The following MARCHF11 variants were observed in gnomAD, a reference collection of about 807,000 sequenced individuals.
MARCHF11 encodes the protein membrane associated ring-CH-type finger 11.
Under a neutral mutation model 37.3 loss-of-function variants are expected in MARCHF11, and 29 were observed. The ratio of observed to expected loss-of-function variants is 0.78; its 90% CI spans 0.58 to 1.06. The LOEUF is 1.06. Among genes scored for constraint, MARCHF11 ranks in the 50% least tolerant of loss-of-function variants. The pLI, the probability that MARCHF11 is intolerant of heterozygous loss-of-function variation, is 0.00. For missense variants in MARCHF11, 482 were observed against 533.4 expected (o/e 0.90, Z 0.95); for synonymous variants, 233 against 228.0 (o/e 1.02, Z -0.20).
At chr5:16,113,926 A>G (rs1737188062) in intron 2 of MARCHF11, among the ~76,000 whole-genome samples, 1 of 152,082 alleles carries the variant, frequency 6.6e-6, no homozygotes, top group South Asian at 2.1e-4. Context: ...TTGGGAGGAA[A>G]CTCACCTCTT....
chr5:16,156,377 C>T (rs1435427501), intron 2 of MARCHF11, among the ~76,000 whole-genome samples: 1 of 151,890 alleles, frequency 6.6e-6, no homozygotes, highest in Non-Finnish European at 1.5e-5. Context: ...ATAGTTAGCA[C>T]CTTATTTTAA....
intron 3 of MARCHF11, among the ~76,000 whole-genome samples, chr5:16,090,342 T>C: frequency 6.6e-6 from 1 of 152,202 alleles, no homozygotes; most frequent in East Asian, 1.9e-4. Flanking sequence ...TTTTCTCTTC[T>C]AAGTCACTGA....
chr5:16,110,208 C>T (rs1400528809), intron 2 of MARCHF11, among the ~76,000 whole-genome samples: 1 of 152,110 alleles, frequency 6.6e-6, no homozygotes, highest in Non-Finnish European at 1.5e-5. Flanking sequence ...AAATTATATT[C>T]AGATTTTTTA....
At chr5:16,175,421 A>G (rs921063757) in intron 2 of MARCHF11, among the ~76,000 whole-genome samples, 1 of 152,158 alleles carries the variant, frequency 6.6e-6, no homozygotes, top group East Asian at 1.9e-4. Flanking sequence ...CTAGGATGGG[A>G]TTGAGAAGCA....
intron 2 of MARCHF11, among the ~76,000 whole-genome samples, chr5:16,165,695 T>A (rs1243313709): frequency 6.6e-6 from 1 of 152,084 alleles, no homozygotes; most frequent in Non-Finnish European, 1.5e-5. Context: ...TCACATCATA[T>A]CAGGGGCAGA....
intron 2 of MARCHF11, among the ~76,000 whole-genome samples, chr5:16,109,828 G>A (rs76066229): frequency 3.8e-4 from 58 of 152,244 alleles, no homozygotes; most frequent in East Asian, 9.7e-4. Context: ...TTGTGCACAC[G>A]GAATTGAAGA....
chr5:16,098,650 C>T (rs929845008), intron 2 of MARCHF11, among the ~76,000 whole-genome samples: 1 of 151,884 alleles, frequency 6.6e-6, no homozygotes, highest in Non-Finnish European at 1.5e-5. Context: ...CTCCTGCAAT[C>T]CCAGCTACTC....
intron 2 of MARCHF11, among the ~76,000 whole-genome samples, chr5:16,105,464 TTTCCTCAC>T (rs1737022457): frequency 6.6e-6 from 1 of 152,216 alleles, no homozygotes; most frequent in Non-Finnish European, 1.5e-5. Flanking sequence ...AGAACAAGCT[TTTCCTCAC>T]TAAAGAGATC....
At chr5:16,073,378 A>G (rs79618537) in intron 3 of MARCHF11, among the ~76,000 whole-genome samples, 3,881 of 152,198 alleles carry the variant, frequency 0.025, 167 homozygotes, top group African/African-American at 0.088. Context: ...CCAAACTTAA[A>G]TGTCCAGGAG....
chr5:16,161,224 G>T (rs1158277780), intron 2 of MARCHF11, among the ~76,000 whole-genome samples: 2 of 124,928 alleles, frequency 1.6e-5, no homozygotes, highest in Non-Finnish European at 3.1e-5. Flanking sequence ...TTTAACAGAT[G>T]ATCTAAATTA....
chr5:16,166,293 C>A (rs1738167492), intron 2 of MARCHF11, among the ~76,000 whole-genome samples: 1 of 152,016 alleles, frequency 6.6e-6, no homozygotes, highest in East Asian at 1.9e-4. Context: ...GGTCTGGTGC[C>A]AGGTGAGCTT....
At chr5:16,118,670 C>T (rs941298771) in intron 2 of MARCHF11, among the ~76,000 whole-genome samples, 6 of 152,154 alleles carry the variant, frequency 3.9e-5, no homozygotes, top group East Asian at 1.9e-4. Flanking sequence ...TACACTAAGC[C>T]GTCAGCGAGA....
At chr5:16,154,780 A>G (rs549933811) in intron 2 of MARCHF11, among the ~76,000 whole-genome samples, 3 of 152,104 alleles carry the variant, frequency 2.0e-5, no homozygotes, top group South Asian at 4.1e-4. Context: ...ACACAAGTTT[A>G]AAATAACAAC....
rs1736365581 is a variant in MARCHF11, at chr5:16,067,405, G to T, written c.*66C>A. Reference sequence around the variant, plus strand: ...GTGTTTTTAGAAGTGCTATGGTTTTGCCATTCACTGCAATTACATTGCAAA... The same window carrying T: ...GTGTTTTTAGAAGTGCTATGGTTTTTCCATTCACTGCAATTACATTGCAAA... On this transcript the variant is annotated 3_prime_UTR_variant, in exon 4 of 4. Coordinates refer to ENST00000332432, the MANE Select transcript of MARCHF11 (RefSeq NM_001102562.3). 2.1e-6 allele frequency: 3 copies of T among 1,423,908 alleles called. No homozygotes were observed. The highest frequency in any genetic ancestry group is 9.7e-7 in the Non-Finnish European group (1 of 1,033,472). The allele number at this position is 1,423,908 out of a possible 1,614,324, so 88.2% of individuals were successfully genotyped here. A position where few individuals can be genotyped will look rare whatever the true frequency, so the allele number is the denominator to read the frequency against.
intron 2 of MARCHF11, among the ~76,000 whole-genome samples, chr5:16,173,219 T>C (rs1738300967): frequency 6.6e-6 from 1 of 152,160 alleles, no homozygotes; most frequent in Admixed American, 6.5e-5. Context: ...GGAAAGTTGG[T>C]GAACATCATG....
At chr5:16,142,884 CTTTTTTTTTT>C (rs61225598) in intron 2 of MARCHF11, among the ~76,000 whole-genome samples, 15 of 52,216 alleles carry the variant, frequency 2.9e-4, no homozygotes, top group African/African-American at 1.3e-3. Flanking sequence ...CCACACCTGG[CTTTTTTTTTT>C]TTTTTTTTTT....
chr5:16,141,132 G>A (rs932388076), intron 2 of MARCHF11: 1 of 152,408 alleles, frequency 6.6e-6, no homozygotes, highest in African/African-American at 2.4e-5. Flanking sequence ...ACCAACAGAG[G>A]AGCAAACCTC....
rs74684199 is a variant in MARCHF11, at chr5:16,104,515, G to T, written c.694-13434C>A. Among the ~76,000 whole-genome samples the T allele has an allele frequency of 9.7e-3, 1,470 of 152,230 alleles. 17 individuals are homozygous for T. The highest frequency in any genetic ancestry group is 0.043 in the South Asian group (207 of 4,824). ...CTATTTTTAAGGCCCTGGAAGAAAA[G>T]TCCTTAAAATAGCAAAATGAATAAA... On this transcript the variant is annotated intron_variant, in intron 2 of 3. Transcript: ENST00000332432.
At position 16,151,239 on chromosome 5, in the gene MARCHF11, G is replaced by A. The variant is rs79830066; in HGVS notation, c.693+26487C>T. On this transcript the variant is annotated intron_variant, in intron 2 of 3. Transcript: ENST00000332432. ...TCATAGTAACCCATTGTATTTGGCTGCCATAATTTACATAGTCATTCACCA... is the reference window on the plus strand; with the variant it reads ...TCATAGTAACCCATTGTATTTGGCTACCATAATTTACATAGTCATTCACCA... Among the ~76,000 whole-genome samples, 14 of 152,078 alleles carry A rather than the reference G, an allele frequency of 9.2e-5. No homozygotes were observed. The East Asian group carries it at 2.5e-3, about 27-fold the overall frequency.
Sources: gnomAD v4.1 joint callset for allele counts (sites outside exome capture counted in the v4.1 genomes callset) on GRCh38, gnomAD v4.1.1 for gene constraint, MANE v1.5 for transcripts, NCBI Gene and HGNC (gene_info 2026-07-23, HGNC 2026-07-21) for gene names.